The following ZNF529 variants were observed in gnomAD, a reference collection of about 807,000 sequenced individuals.
ZNF529 encodes the protein zinc finger protein 529.
ZNF529 carries 11 observed loss-of-function variants against 10.1 expected under a neutral mutation model. The observed-to-expected ratio is 1.09, with a 90% CI of 0.69 to 1.81. The LOEUF is 1.81. ZNF529 is among the 40% of genes most tolerant of loss of function. ZNF529 has a pLI of 0.00. For missense variants in ZNF529, 624 were observed against 666.8 expected (o/e 0.94, Z 0.71); for synonymous variants, 204 against 215.7 (o/e 0.95, Z 0.47).
chr19:36,591,581 C>T (rs1164032993), intron 1 of ZNF529, among the ~76,000 whole-genome samples: 10 of 150,920 alleles, frequency 6.6e-5, no homozygotes, highest in Admixed American at 5.9e-4. Flanking sequence ...ATCAGCCGGG[C>T]GTGGTGGTGG....
intron 2 of ZNF529, among the ~76,000 whole-genome samples, chr19:36,568,757 C>T (rs1243913785): frequency 2.0e-5 from 3 of 152,150 alleles, no homozygotes; most frequent in East Asian, 1.9e-4. Context: ...CAGGTGTGAG[C>T]CACTCTGACT....
chr19:36,555,841 C>T (rs1568583685), intron 3 of ZNF529, among the ~76,000 whole-genome samples: 1 of 152,136 alleles, frequency 6.6e-6, no homozygotes, highest in Non-Finnish European at 1.5e-5. Context: ...TGCTTTTTCC[C>T]TATCCAAGAA....
At chr19:36,600,766 ATCCCTGTT>A (rs2036911573) in intron 1 of ZNF529, among the ~76,000 whole-genome samples, 1 of 152,232 alleles carries the variant, frequency 6.6e-6, no homozygotes, top group Admixed American at 6.5e-5. Context: ...CAGGTGAAGT[ATCCCTGTT>A]CTAGACAGAG....
upstream of ZNF529, chr19:36,574,750 A>G: frequency 2.2e-6 from 1 of 464,262 alleles, no homozygotes; most frequent in South Asian, 1.6e-5. Flanking sequence ...TCTGAACAGC[A>G]CTCCATTGTG....
At chr19:36,590,231 G>A (rs1417916123) in intron 1 of ZNF529, among the ~76,000 whole-genome samples, 2 of 152,022 alleles carry the variant, frequency 1.3e-5, no homozygotes, top group Non-Finnish European at 2.9e-5. Flanking sequence ...ACAGGATGTG[G>A]TGGTGTGCAA....
chr19:36,578,978 G>A (rs1209052100), intron 2 of ZNF529, among the ~76,000 whole-genome samples: 7 of 151,820 alleles, frequency 4.6e-5, no homozygotes, highest in South Asian at 2.1e-4. Context: ...AGGCCGAGGC[G>A]GGTGGATCAC....
chr19:36,585,793 C>T (rs942349620), intron 2 of ZNF529, among the ~76,000 whole-genome samples: 17 of 152,296 alleles, frequency 1.1e-4, no homozygotes, highest in African/African-American at 3.4e-4. Context: ...AATGAGGGGA[C>T]TCTGGTTTCT....
At chr19:36,569,634 G>A (rs2036024945) in intron 2 of ZNF529, among the ~76,000 whole-genome samples, 1 of 152,002 alleles carries the variant, frequency 6.6e-6, no homozygotes, top group Non-Finnish European at 1.5e-5. Flanking sequence ...GAGTGCAGTG[G>A]TGCACACCTG....
intron 2 of ZNF529, among the ~76,000 whole-genome samples, chr19:36,562,210 C>G (rs534228547): frequency 5.7e-4 from 86 of 151,642 alleles, no homozygotes; most frequent in African/African-American, 2.0e-3. Flanking sequence ...TGCACTGCAG[C>G]CCAGGGGAAA....
At position 36,547,447 on chromosome 19, in the gene ZNF529, A is replaced by G. The variant is rs1013882217; in HGVS notation, c.1111T>C (p.Cys371Arg). Residue 371 changes from cysteine to arginine, a missense_variant, in exon 5 of 5, where the codon TGT (cysteine) becomes CGT (arginine). Transcript: ENST00000591340. ...TGEKPYACKECGKAFGVCREL... is the reference protein window; with the variant it reads ...TGEKPYACKERGKAFGVCREL... ...CTACATACTCCAAAAGCCTTCCCAC[A>G]TTCCTTACATGCATAAGGTTTCTCA... is the stretch of plus-strand genomic sequence containing the variant. 10 of 1,613,876 alleles carry G rather than the reference A, an allele frequency of 6.2e-6. No individual in the cohort carries two copies. In the African/African-American group the frequency reaches 1.1e-4, roughly 17 times the overall value.
At chr19:36,598,967 G>T (rs1236889112) in intron 1 of ZNF529, among the ~76,000 whole-genome samples, 4 of 152,124 alleles carry the variant, frequency 2.6e-5, no homozygotes, top group Admixed American at 1.3e-4. Context: ...ATTACCCACA[G>T]ATTTTTTCAA....
upstream of ZNF529, chr19:36,577,942 A>G (rs555744039): frequency 2.0e-5 from 3 of 150,702 alleles, no homozygotes; most frequent in African/African-American, 4.9e-5. Flanking sequence ...AGTACTACCC[A>G]CTCTTTTTCT....
chr19:36,546,191 CATACACTAT>C lies in ZNF529; in HGVS notation c.*666_*674del, dbSNP rs1048039820. The C allele has an allele frequency of 2.0e-5, 3 of 148,622 alleles. No individual in the cohort carries two copies. The highest frequency in any genetic ancestry group is 7.5e-5 in the African/African-American group (3 of 40,180). The allele number at this position is 148,622 out of a possible 1,614,324, so 9.2% of individuals were successfully genotyped here. On this transcript the variant is annotated 3_prime_UTR_variant, in exon 5 of 5. Transcript: ENST00000591340. Reference sequence around the variant, plus strand: ...TGTGATATGTATAGTATACATCACACATACACTATATACACTATATGTGTATATACACTA... The same window carrying C: ...TGTGATATGTATAGTATACATCACACATACACTATATGTGTATATACACTA...
At chr19:36,599,932 G>A (rs575143129) in intron 1 of ZNF529, among the ~76,000 whole-genome samples, 3 of 151,550 alleles carry the variant, frequency 2.0e-5, no homozygotes, top group East Asian at 3.9e-4. Context: ...GTAGTGGCAC[G>A]ATCTTGGCTC....
rs527252781 is a variant in ZNF529, at chr19:36,552,193, G to A, written c.235+2477C>T. Among the ~76,000 whole-genome samples the A allele has an allele frequency of 2.0e-5, 3 of 152,172 alleles. 1 individual carries two copies. In the South Asian group the frequency reaches 6.2e-4, roughly 32 times the overall value. ...CACCTGTAATCCCACCACTTTGGGA[G>A]GCCAAGGCGGGCAGATCACGAGGTC... On this transcript the variant is annotated intron_variant, in intron 4 of 4. Transcript: ENST00000591340.
intron 2 of ZNF529, chr19:36,580,224 A>G (rs192695041): frequency 2.0e-5 from 3 of 151,086 alleles, no homozygotes; most frequent in African/African-American, 7.3e-5. Context: ...TCTTCTGGAT[A>G]CCTCCTGAAG....
chr19:36,599,631 C>A (rs2036892519), intron 1 of ZNF529, among the ~76,000 whole-genome samples: 1 of 152,056 alleles, frequency 6.6e-6, no homozygotes, highest in African/African-American at 2.4e-5. Context: ...ACTATGAGTA[C>A]TTACAACTTT....
At chr19:36,575,164 C>T (rs1283025384), upstream of ZNF529, among the ~76,000 whole-genome samples, 1 of 152,126 alleles carries the variant, frequency 6.6e-6, no homozygotes, top group Non-Finnish European at 1.5e-5. Flanking sequence ...TGTGTACATT[C>T]CATGATAACT....
exon 1 of ZNF529, chr19:36,605,226 G>A (rs1006892457): frequency 6.6e-6 from 1 of 152,220 alleles, no homozygotes; most frequent in Admixed American, 6.5e-5. Flanking sequence ...CAAACGGAGG[G>A]GAGCGCCGGC....
Sources: gnomAD v4.1 joint callset for allele counts (sites outside exome capture counted in the v4.1 genomes callset) on GRCh38, gnomAD v4.1.1 for gene constraint, MANE v1.5 for transcripts, NCBI Gene and HGNC (gene_info 2026-07-23, HGNC 2026-07-21) for gene names.